Variants in DUSP13B observed in about 807,000 individuals in gnomAD.
The protein encoded by DUSP13B is dual specificity phosphatase 13B.
the DUSP13B span, among the ~76,000 whole-genome samples, chr10:75,102,905 TCACGCCATTG>T: frequency 1.3e-5 from 2 of 152,012 alleles, no homozygotes; most frequent in African/African-American, 4.8e-5. Context: ...TGAGCTGAGA[TCACGCCATTG>T]CACTCCAGCC....
chr10:75,095,600 GATGT>G, the DUSP13B span: 5 of 1,614,002 alleles, frequency 3.1e-6, no homozygotes, highest in Admixed American at 1.7e-5. Context: ...GGGCAGCTCG[GATGT>G]ATCGAGCAAC....
chr10:75,108,342 TG>T, the DUSP13B span: 61 of 1,438,368 alleles, frequency 4.2e-5, 1 homozygote, highest in African/African-American at 8.3e-4. Context: ...AAGCTCCAAG[TG>T]GGGTCTGACT....
At chr10:75,094,950 C>G in the DUSP13B span, 1 of 1,320,208 alleles carries the variant, frequency 7.6e-7, no homozygotes, top group Non-Finnish European at 1.1e-6. Context: ...GAAGAGACAC[C>G]CATGGCCATC....
At chr10:75,105,863 C>A in the DUSP13B span, 3 of 1,547,464 alleles carry the variant, frequency 1.9e-6, no homozygotes, top group Non-Finnish European at 1.7e-6. Context: ...TGCACCAGGA[C>A]CTTGGCTGAG....
chr10:75,108,896 T>C, the DUSP13B span: 1 of 1,368,398 alleles, frequency 7.3e-7, no homozygotes, highest in Non-Finnish European at 9.7e-7. Context: ...TGGCCTGGGA[T>C]GGTCAGAGCA....
chr10:75,100,425 C>A, the DUSP13B span, among the ~76,000 whole-genome samples: 4 of 152,188 alleles, frequency 2.6e-5, no homozygotes, highest in Non-Finnish European at 5.9e-5. Context: ...GGCCACCCCC[C>A]CAGGGACTCG....
At chr10:75,107,926 G>A in the DUSP13B span, 1 of 1,508,866 alleles carries the variant, frequency 6.6e-7, no homozygotes, top group Non-Finnish European at 9.0e-7. Context: ...TGATGACTGA[G>A]AGGAAATGAG....
At chr10:75,099,111 G>A in the DUSP13B span, 1 of 1,232,328 alleles carries the variant, frequency 8.1e-7, no homozygotes, top group South Asian at 4.1e-5. Flanking sequence ...GGCTGAAGGA[G>A]TCAGGGACCC....
chr10:75,100,756 G>A, the DUSP13B span, among the ~76,000 whole-genome samples: 3 of 152,200 alleles, frequency 2.0e-5, no homozygotes, highest in African/African-American at 7.2e-5. Context: ...GCTGCTGTTT[G>A]CAAGTCCATG....
the DUSP13B span, chr10:75,105,659 A>G: frequency 5.2e-6 from 8 of 1,548,146 alleles, no homozygotes; most frequent in Admixed American, 1.6e-4. Context: ...CTGAGGCCTC[A>G]CCTGGCCCCT....
chr10:75,096,576 C>CA, the DUSP13B span, among the ~76,000 whole-genome samples: 9,809 of 80,604 alleles, frequency 0.12, 420 homozygotes, highest in Middle Eastern at 0.19. Context: ...GACCCCGCCT[C>CA]AAAAAAAAAA....
the DUSP13B span, chr10:75,098,893 T>A: frequency 6.5e-4 from 673 of 1,040,702 alleles, 2 homozygotes; most frequent in Middle Eastern, 3.8e-3. Context: ...AAGGCTGGGG[T>A]TTTAGTCCAT....
the DUSP13B span, among the ~76,000 whole-genome samples, chr10:75,105,463 G>A: frequency 1.3e-5 from 2 of 152,204 alleles, no homozygotes; most frequent in Non-Finnish European, 2.9e-5. Flanking sequence ...CCTAGGCCAG[G>A]CCCTTGGGTG....
chr10:75,106,726 A>G, the DUSP13B span, among the ~76,000 whole-genome samples: 14 of 152,360 alleles, frequency 9.2e-5, 1 homozygote, highest in South Asian at 2.5e-3. Context: ...CCTGCTTCTT[A>G]AAGTCTGGAT....
chr10:75,096,582 A>G, the DUSP13B span, among the ~76,000 whole-genome samples: 2 of 151,354 alleles, frequency 1.3e-5, no homozygotes, highest in Non-Finnish European at 2.9e-5. Context: ...GCCTCAAAAA[A>G]AAAAAAAAAA....
the DUSP13B span, among the ~76,000 whole-genome samples, chr10:75,095,077 G>A: frequency 2.6e-5 from 4 of 152,216 alleles, no homozygotes; most frequent in East Asian, 7.7e-4. Context: ...GTTTAGGTTA[G>A]CAGCCGGGAT....
chr10:75,105,804 G>T, the DUSP13B span: 1 of 1,551,064 alleles, frequency 6.4e-7, no homozygotes, highest in South Asian at 1.2e-5. Flanking sequence ...GGTGCAGCAT[G>T]AGGTAGGCCA....
the DUSP13B span, among the ~76,000 whole-genome samples, chr10:75,096,114 G>T: frequency 1.3e-5 from 2 of 152,038 alleles, no homozygotes; most frequent in Non-Finnish European, 2.9e-5. Context: ...AATTAGCCAG[G>T]CATGGTGGTG....
chr10:75,107,877 TA>T, the DUSP13B span: 1 of 1,284,818 alleles, frequency 7.8e-7, no homozygotes, highest in Non-Finnish European at 1.1e-6. Flanking sequence ...ACACACGGCC[TA>T]AGCAGAGGAT....
Sources: allele counts gnomAD v4.1 joint callset (sites outside exome capture counted in the v4.1 genomes callset), GRCh38; gene constraint gnomAD v4.1.1; transcripts MANE v1.5; gene names NCBI Gene and HGNC (gene_info 2026-07-23, HGNC 2026-07-21).